The following TRDN variants were observed in gnomAD, a reference collection of about 807,000 sequenced individuals.
TRDN encodes triadin, also known as triadin in skeletal muscle.
Under a neutral mutation model 149.7 loss-of-function variants are expected in TRDN, and 161 were observed. That is an observed-to-expected ratio of 1.08 (90% CI 0.95 to 1.23). The LOEUF (loss-of-function observed/expected upper bound fraction) is 1.23. TRDN is among the 50% of genes most tolerant of loss of function. The pLI is 0.00. For missense variants in TRDN, 896 were observed against 823.5 expected, an observed-to-expected ratio of 1.09 and a Z score of -1.08; for synonymous variants, 294 against 250.5, an observed-to-expected ratio of 1.17 and a Z score of -1.64.
At chr6:123,232,701 C>G (rs1382536016) in intron 38 of TRDN, among the ~76,000 whole-genome samples, 1 of 151,822 alleles carries the variant, frequency 6.6e-6, no homozygotes, top group Non-Finnish European at 1.5e-5. Flanking sequence ...GAATGGGAGG[C>G]TGATGATAGG....
chr6:123,436,559 A>G (rs971366763), intron 12 of TRDN, among the ~76,000 whole-genome samples: 5 of 152,092 alleles, frequency 3.3e-5, no homozygotes, highest in African/African-American at 1.2e-4. Flanking sequence ...TAATCTTTAT[A>G]TAGTTGACAT....
At chr6:123,336,825 C>A (rs1031823918) in intron 22 of TRDN, among the ~76,000 whole-genome samples, 1 of 150,730 alleles carries the variant, frequency 6.6e-6, no homozygotes, top group Non-Finnish European at 1.5e-5. Context: ...ATTACACACA[C>A]TTATATAATA....
chr6:123,436,174 C>T (rs1238247265), intron 12 of TRDN, among the ~76,000 whole-genome samples: 1 of 152,122 alleles, frequency 6.6e-6, no homozygotes, highest in Non-Finnish European at 1.5e-5. Flanking sequence ...CTTGGTTTAT[C>T]TTTACCCCTC....
chr6:123,533,303 C>T (rs184670409), intron 4 of TRDN, among the ~76,000 whole-genome samples: 3 of 151,838 alleles, frequency 2.0e-5, no homozygotes, highest in Admixed American at 2.0e-4. Flanking sequence ...TCCACAGATA[C>T]CAGCTGACCA....
intron 4 of TRDN, among the ~76,000 whole-genome samples, chr6:123,543,027 A>G (rs967622592): frequency 2.0e-5 from 3 of 152,166 alleles, no homozygotes; most frequent in Non-Finnish European, 4.4e-5. Flanking sequence ...TTTCAGTTCA[A>G]TTTATTAATA....
intron 1 of TRDN, among the ~76,000 whole-genome samples, chr6:123,617,159 A>G (rs1158249993): frequency 6.6e-6 from 1 of 152,104 alleles, no homozygotes; most frequent in African/African-American, 2.4e-5. Context: ...CCAGCTGAAA[A>G]TGTACATAGC....
intron 8 of TRDN, chr6:123,502,214 GT>G (rs915720084): frequency 4.1e-6 from 4 of 982,360 alleles, no homozygotes; most frequent in Non-Finnish European, 3.6e-6. Context: ...TATTTCTGCT[GT>G]TTTTTTACCA....
chr6:123,557,081 AC>A (rs1269061275), intron 2 of TRDN, among the ~76,000 whole-genome samples: 1 of 149,124 alleles, frequency 6.7e-6, no homozygotes, highest in African/African-American at 2.5e-5. Flanking sequence ...CCAGAGAATA[AC>A]CCCCCTTTGA....
intron 16 of TRDN, among the ~76,000 whole-genome samples, chr6:123,379,665 C>A (rs374399930): frequency 6.6e-6 from 1 of 152,196 alleles, no homozygotes; most frequent in African/African-American, 2.4e-5. Context: ...AATAGCTGTG[C>A]TAATTTGTTC....
chr6:123,375,642 C>T lies in TRDN; in HGVS notation c.1247-11G>A. Reference sequence around the variant, plus strand: ...GTTTGTCACTTGGAACTGTTAATGACAAGAAATAATAAGGTCAACAGTAAT... The same window carrying T: ...GTTTGTCACTTGGAACTGTTAATGATAAGAAATAATAAGGTCAACAGTAAT... On this transcript the variant is annotated splice_polypyrimidine_tract_variant and intron_variant, in intron 18 of 40. Transcript: ENST00000334268. 6.6e-7 allele frequency: 1 copy of T among 1,523,812 alleles called. No individual in the cohort carries two copies. Among genetic ancestry groups the T allele is most frequent in the South Asian group, 1.3e-5 (1 of 79,990 alleles). The allele number at this position is 1,523,812 out of a possible 1,614,324, so 94.4% of individuals were successfully genotyped here.
chr6:123,329,287 TA>T (rs1411257471), intron 23 of TRDN, among the ~76,000 whole-genome samples: 1 of 152,184 alleles, frequency 6.6e-6, no homozygotes, highest in Non-Finnish European at 1.5e-5. Flanking sequence ...ATTATAAGAT[TA>T]ACACATAACA....
intron 12 of TRDN, among the ~76,000 whole-genome samples, chr6:123,397,187 A>AATAAAT (rs1703039682): frequency 6.6e-6 from 1 of 152,208 alleles, no homozygotes. Context: ...GTAACAACAA[A>AATAAAT]ATAAATAAGA....
At chr6:123,451,241 C>A (rs1192336603) in intron 10 of TRDN, among the ~76,000 whole-genome samples, 2 of 151,570 alleles carry the variant, frequency 1.3e-5, no homozygotes, top group African/African-American at 4.8e-5. Context: ...AAAGAAATAA[C>A]CAAGATCAGA....
chr6:123,365,336 C>CTCTA (rs1317537243), intron 20 of TRDN, among the ~76,000 whole-genome samples: 1 of 146,504 alleles, frequency 6.8e-6, no homozygotes, highest in African/African-American at 2.8e-5. Flanking sequence ...TTAATTTATA[C>CTCTA]TGTATCAATA....
chr6:123,367,411 C>T (rs1029103643), intron 19 of TRDN, among the ~76,000 whole-genome samples: 6 of 152,256 alleles, frequency 3.9e-5, no homozygotes, highest in African/African-American at 1.4e-4. Context: ...CGAGCCTTTA[C>T]ACCCCTCATC....
intron 4 of TRDN, among the ~76,000 whole-genome samples, chr6:123,533,612 T>C (rs757632523): frequency 2.0e-5 from 3 of 152,062 alleles, no homozygotes; most frequent in Non-Finnish European, 4.4e-5. Flanking sequence ...AGCTCTTGTG[T>C]ACTCAGACAT....
chr6:123,508,007 G>A (rs991815358), intron 7 of TRDN, among the ~76,000 whole-genome samples: 8 of 149,180 alleles, frequency 5.4e-5, no homozygotes, highest in Admixed American at 2.7e-4. Context: ...AAAAAGAATC[G>A]CCACTGTAAC....
intron 24 of TRDN, among the ~76,000 whole-genome samples, chr6:123,288,529 A>G (rs1193301171): frequency 1.3e-5 from 2 of 152,146 alleles, no homozygotes; most frequent in African/African-American, 4.8e-5. Context: ...CAAACATTTC[A>G]ATAACAGAAA....
chr6:123,440,306 T>C (rs1774805732), intron 10 of TRDN, among the ~76,000 whole-genome samples: 1 of 152,158 alleles, frequency 6.6e-6, no homozygotes. Flanking sequence ...CAATCAGAAG[T>C]AGAAAGTCAA....
Sources: gnomAD v4.1 joint callset for allele counts (sites outside exome capture counted in the v4.1 genomes callset) on GRCh38, gnomAD v4.1.1 for gene constraint, MANE v1.5 for transcripts, NCBI Gene and HGNC (gene_info 2026-07-23, HGNC 2026-07-21) for gene names.